Variants in TMTC1 observed in about 807,000 individuals in gnomAD.
TMTC1 encodes the protein transmembrane O-mannosyltransferase targeting cadherins 1.
TMTC1 carries 73 observed loss-of-function variants against 104.8 expected under a neutral mutation model. The observed-to-expected ratio is 0.70, with a 90% confidence interval of 0.58 to 0.85. The LOEUF (loss-of-function observed/expected upper bound fraction) is 0.85. TMTC1 is among the 40% of genes least tolerant of loss of function. The pLI is 0.00. For synonymous variants in TMTC1, 434 were observed against 428.7 expected (o/e 1.01, Z -0.15); for missense variants, 1,035 against 1,096.1 (o/e 0.94, Z 0.79).
At chr12:29,778,673 G>C (rs527828730) in intron 1 of TMTC1, among the ~76,000 whole-genome samples, 23 of 152,314 alleles carry the variant, frequency 1.5e-4, no homozygotes, top group African/African-American at 5.5e-4. Flanking sequence ...TCTGAGATTT[G>C]ACTGGAAACA....
chr12:29,513,510 C>T (rs1378913561), intron 16 of TMTC1, among the ~76,000 whole-genome samples: 1 of 151,548 alleles, frequency 6.6e-6, no homozygotes, highest in African/African-American at 2.4e-5. Context: ...TTCAAATGAG[C>T]TTTCCCAAAT....
At chr12:29,637,370 T>C (rs1938611963) in intron 5 of TMTC1, among the ~76,000 whole-genome samples, 1 of 152,168 alleles carries the variant, frequency 6.6e-6, no homozygotes, top group Non-Finnish European at 1.5e-5. Flanking sequence ...TTAAAGCAAG[T>C]GCAAAACCAA....
At chr12:29,765,825 G>A (rs1943450854) in intron 2 of TMTC1, among the ~76,000 whole-genome samples, 1 of 152,134 alleles carries the variant, frequency 6.6e-6, no homozygotes. Flanking sequence ...ACATAAATAA[G>A]TGAAAATGGA....
chr12:29,737,405 C>T lies in TMTC1; in HGVS notation c.938+14261G>A, dbSNP rs1484310213. On this transcript the variant is annotated intron_variant, in intron 5 of 17. Coordinates refer to ENST00000539277, the MANE Select transcript of TMTC1 (RefSeq NM_001193451.2). ...TGGTGGCGCATGCCTGTAATCCCAG[C>T]TACTTGGTAGGCTGAGGAGAATCAC... 7.2e-5 allele frequency among the ~76,000 whole-genome samples: 11 copies of T among 152,290 alleles called. No individual in the cohort carries two copies. In the East Asian group the frequency reaches 1.9e-3, roughly 27 times the overall value.
chr12:29,693,194 C>G (rs541263965), intron 5 of TMTC1, among the ~76,000 whole-genome samples: 2 of 144,554 alleles, frequency 1.4e-5, no homozygotes, highest in African/African-American at 5.0e-5. Flanking sequence ...CTGATCAAAT[C>G]AGCTGTAAAA....
intron 10 of TMTC1, among the ~76,000 whole-genome samples, chr12:29,547,083 G>A (rs1293693820): frequency 6.6e-6 from 1 of 152,164 alleles, no homozygotes; most frequent in Non-Finnish European, 1.5e-5. Flanking sequence ...GGACAAGGGA[G>A]ACTACTGAAA....
chr12:29,518,885 T>A (rs1355711154), intron 12 of TMTC1, among the ~76,000 whole-genome samples: 1 of 152,202 alleles, frequency 6.6e-6, no homozygotes, highest in Non-Finnish European at 1.5e-5. Flanking sequence ...TAGTCGAAAT[T>A]TTTCTGGTCA....
chr12:29,636,259 C>T (rs938880473), intron 5 of TMTC1, among the ~76,000 whole-genome samples: 3 of 152,084 alleles, frequency 2.0e-5, no homozygotes, highest in South Asian at 2.1e-4. Context: ...CTTTATGCCA[C>T]TTTCTCTACT....
At chr12:29,710,271 A>G (rs1427883357) in intron 5 of TMTC1, among the ~76,000 whole-genome samples, 1 of 152,080 alleles carries the variant, frequency 6.6e-6, no homozygotes, top group Non-Finnish European at 1.5e-5. Flanking sequence ...CAGGCCTGTT[A>G]GGACACAGCA....
intron 5 of TMTC1, among the ~76,000 whole-genome samples, chr12:29,732,921 G>A (rs965968028): frequency 9.9e-5 from 15 of 152,124 alleles, no homozygotes; most frequent in African/African-American, 2.7e-4. Context: ...CATTATGCTC[G>A]AGGGCCTCCA....
chr12:29,517,863 C>T lies in TMTC1; in HGVS notation c.2025-292G>A, dbSNP rs546458615. Reference sequence around the variant, plus strand: ...CTGAGTAGCAGGGATTACAGGTGCCCGCCATCATGCCCGGCTAATTTTTGT... The same window carrying T: ...CTGAGTAGCAGGGATTACAGGTGCCTGCCATCATGCCCGGCTAATTTTTGT... On this transcript the variant is annotated intron_variant, in intron 13 of 17. Transcript: ENST00000539277. Among the ~76,000 whole-genome samples, 7 of 152,106 alleles carry T rather than the reference C, an allele frequency of 4.6e-5. No individual in the cohort carries two copies. In the East Asian group the frequency reaches 1.2e-3, roughly 25 times the overall value.
At position 29,502,011 on chromosome 12, in the gene TMTC1, G is replaced by T. The variant is rs822875; in HGVS notation, c.*4835C>A. ...CATATTTTCCTTTTGCATCAAAAAC[G>T]TCAAGAATAATCATAAAATCTTATA... On this transcript the variant is annotated 3_prime_UTR_variant, in exon 18 of 18. Transcript: ENST00000539277. 95,999 of 151,924 alleles carry T rather than the reference G, an allele frequency of 0.63. 30,894 individuals are homozygous for T. Among genetic ancestry groups the T allele is most frequent in the East Asian group, 0.77 (3,973 of 5,166 alleles). 9.4% of individuals were successfully genotyped at this position (151,924 alleles called of 1,614,324 possible).
intron 9 of TMTC1, among the ~76,000 whole-genome samples, chr12:29,565,262 T>C (rs992483732): frequency 6.6e-6 from 1 of 152,194 alleles, no homozygotes; most frequent in African/African-American, 2.4e-5. Context: ...CCTACCCACA[T>C]TCTGGAGGAT....
At chr12:29,713,027 G>C (rs553028876) in intron 5 of TMTC1, among the ~76,000 whole-genome samples, 2 of 151,964 alleles carry the variant, frequency 1.3e-5, no homozygotes, top group Non-Finnish European at 2.9e-5. Flanking sequence ...GAGTGAAATG[G>C]TTCTGTTTTC....
intron 8 of TMTC1, among the ~76,000 whole-genome samples, chr12:29,579,609 T>C (rs1377989107): frequency 1.3e-5 from 2 of 152,220 alleles, no homozygotes; most frequent in African/African-American, 2.4e-5. Context: ...AATATGTTTG[T>C]CCCTTTCTAG....
intron 5 of TMTC1, chr12:29,659,859 A>C: frequency 6.7e-7 from 1 of 1,495,752 alleles, no homozygotes; most frequent in Non-Finnish European, 8.9e-7. Context: ...ACCAAGTTTT[A>C]AAAAAATTAT....
rs1443464310 is a variant in TMTC1 at position 29,506,821 on chromosome 12, T to C, written c.*25A>G. Reference sequence around the variant, plus strand: ...CCCTTTCAGAGGCACCACATTATCCTATGAGGTTGGGTCAGACGGTGGTGC... The same window carrying C: ...CCCTTTCAGAGGCACCACATTATCCCATGAGGTTGGGTCAGACGGTGGTGC... On this transcript the variant is annotated 3_prime_UTR_variant, in exon 18 of 18. Coordinates refer to ENST00000539277, the MANE Select transcript of TMTC1 (RefSeq NM_001193451.2). The C allele has an allele frequency of 1.2e-6, 2 of 1,613,592 alleles. No individual in the cohort carries two copies. The highest frequency in any genetic ancestry group is 1.7e-6 in the Non-Finnish European group (2 of 1,179,688).
chr12:29,678,962 T>C (rs1940821860), intron 5 of TMTC1, among the ~76,000 whole-genome samples: 1 of 152,156 alleles, frequency 6.6e-6, no homozygotes, highest in South Asian at 2.1e-4. Flanking sequence ...TCTCCAACCA[T>C]TAGCAATCAC....
chr12:29,645,809 C>A (rs920619050), intron 5 of TMTC1, among the ~76,000 whole-genome samples: 1 of 152,156 alleles, frequency 6.6e-6, no homozygotes, highest in East Asian at 1.9e-4. Flanking sequence ...TCCTGTTGGT[C>A]TATTAATGAA....
Sources: allele counts gnomAD v4.1 joint callset (sites outside exome capture counted in the v4.1 genomes callset), GRCh38; gene constraint gnomAD v4.1.1; transcripts MANE v1.5; gene names NCBI Gene and HGNC (gene_info 2026-07-23, HGNC 2026-07-21).